SERPINI1: variants seen among roughly 807,000 people sequenced by gnomAD.
SERPINI1 encodes serpin family I member 1, also known as neuroserpin.
In SERPINI1, 19 loss-of-function variants were observed where a neutral mutation model predicts 41.1. The observed-to-expected ratio is 0.46, with a 90% CI of 0.32 to 0.68. The LOEUF (loss-of-function observed/expected upper bound fraction) is 0.68. Among genes scored for constraint, SERPINI1 ranks in the 30% least tolerant of loss-of-function variants. The pLI is 0.03. For missense variants in SERPINI1, 460 were observed against 479.2 expected (o/e 0.96, Z 0.37); for synonymous variants, 138 against 156.6 (o/e 0.88, Z 0.89).
chr3:167,823,036 G>T lies in SERPINI1; in HGVS notation c.1030G>T (p.Val344Phe), dbSNP rs775383204. Reference protein sequence around the residue: ...SKAIHKSFLEVNEEGSEAAAV... With the variant: ...SKAIHKSFLEFNEEGSEAAAV... The stretch of plus-strand genomic sequence containing the variant: ...AGCAATTCACAAGTCCTTCCTAGAG[G>T]TTAATGAAGAAGGCTCAGAAGCTGC... The change falls in exon 7 of 9, where the codon GTT (valine) becomes TTT (phenylalanine). Residue 344 changes from valine to phenylalanine, a missense_variant. By Grantham distance (50) the Val-to-Phe change is conservative (BLOSUM62 -1). Coordinates refer to ENST00000446050, the MANE Select transcript of SERPINI1 (RefSeq NM_001122752.2). The T allele has an allele frequency of 1.4e-5, 23 of 1,611,090 alleles. No homozygotes were observed. Among genetic ancestry groups the T allele is most frequent in the Non-Finnish European group, 8.5e-7 (1 of 1,177,430 alleles).
At chr3:167,783,168 G>T (rs1210717673) in intron 1 of SERPINI1, among the ~76,000 whole-genome samples, 1 of 152,094 alleles carries the variant, frequency 6.6e-6, no homozygotes, top group African/African-American at 2.4e-5. Flanking sequence ...CAGAACCATT[G>T]GTATAGTCCT....
chr3:167,818,669 C>T (rs540652297), intron 6 of SERPINI1, among the ~76,000 whole-genome samples: 5 of 151,934 alleles, frequency 3.3e-5, no homozygotes, highest in Middle Eastern at 3.4e-3. Flanking sequence ...CTCTTTCTGC[C>T]GTAAGTACCT....
At chr3:167,814,245 A>G (rs1228423921) in intron 6 of SERPINI1, among the ~76,000 whole-genome samples, 1 of 152,330 alleles carries the variant, frequency 6.6e-6, no homozygotes, top group Admixed American at 6.5e-5. Flanking sequence ...TATTTAGTTC[A>G]TCATAGTATA....
intron 1 of SERPINI1, among the ~76,000 whole-genome samples, chr3:167,751,639 A>C (rs1457851488): frequency 6.6e-6 from 1 of 152,176 alleles, no homozygotes; most frequent in Non-Finnish European, 1.5e-5. Context: ...GGTTATCGAC[A>C]CAAATGGTGA....
intron 5 of SERPINI1, among the ~76,000 whole-genome samples, chr3:167,803,556 A>G (rs977671757): frequency 6.8e-4 from 104 of 152,248 alleles, no homozygotes; most frequent in African/African-American, 2.4e-3. Flanking sequence ...CAACAATGCT[A>G]TGAAATAGGT....
chr3:167,803,142 G>GT (rs1285029285), intron 5 of SERPINI1, among the ~76,000 whole-genome samples: 1 of 151,874 alleles, frequency 6.6e-6, no homozygotes, highest in Non-Finnish European at 1.5e-5. Flanking sequence ...TTGGGGGAGG[G>GT]GGAGGGATAG....
intron 1 of SERPINI1, among the ~76,000 whole-genome samples, chr3:167,775,301 G>T (rs1040875914): frequency 6.7e-6 from 1 of 149,584 alleles, no homozygotes; most frequent in African/African-American, 2.4e-5. Flanking sequence ...TCGCTCTGTT[G>T]CCCAGGCTGC....
chr3:167,744,937 TTAAGA>T (rs1725821033), intron 1 of SERPINI1, among the ~76,000 whole-genome samples: 1 of 145,856 alleles, frequency 6.9e-6, no homozygotes, highest in Non-Finnish European at 1.5e-5. Context: ...TTTTTATAAG[TTAAGA>T]TACTTTCTCA....
At chr3:167,814,914 A>G (rs1361522112) in intron 6 of SERPINI1, among the ~76,000 whole-genome samples, 1 of 152,144 alleles carries the variant, frequency 6.6e-6, no homozygotes, top group Non-Finnish European at 1.5e-5. Context: ...CAGAAGGAAA[A>G]GGCTGCTTGG....
intron 1 of SERPINI1, among the ~76,000 whole-genome samples, chr3:167,762,293 TCTC>T (rs1194435824): frequency 6.6e-6 from 1 of 151,976 alleles, no homozygotes; most frequent in East Asian, 1.9e-4. Flanking sequence ...GCAGTGCCCT[TCTC>T]CTCCAAATAA....
intron 5 of SERPINI1, among the ~76,000 whole-genome samples, chr3:167,796,414 T>TA (rs35878142): frequency 0.13 from 19,209 of 152,024 alleles, 1,447 homozygotes; most frequent in African/African-American, 0.21. Flanking sequence ...GTTACATAGG[T>TA]AAACGTGTGC....
intron 5 of SERPINI1, among the ~76,000 whole-genome samples, chr3:167,798,499 A>G (rs1207613453): frequency 6.6e-6 from 1 of 152,210 alleles, no homozygotes; most frequent in Non-Finnish European, 1.5e-5. Flanking sequence ...TAAATGTTTG[A>G]TAATGGTAAT....
At chr3:167,764,964 G>C (rs556918151) in intron 1 of SERPINI1, among the ~76,000 whole-genome samples, 2 of 152,216 alleles carry the variant, frequency 1.3e-5, no homozygotes, top group Non-Finnish European at 2.9e-5. Flanking sequence ...GATGCAAGAG[G>C]TAGGTTCTCA....
At chr3:167,823,215 G>A (rs563713932) in intron 7 of SERPINI1, 143 bp downstream of exon 7, 69 of 706,334 alleles carry the variant, frequency 9.8e-5, no homozygotes, top group African/African-American at 7.4e-4. Context: ...TGAACCAGCC[G>A]GAATTTTCTA....
At chr3:167,755,433 CAAGGAAATAGAT>C (rs1187480104) in intron 1 of SERPINI1, among the ~76,000 whole-genome samples, 1 of 152,064 alleles carries the variant, frequency 6.6e-6, no homozygotes, top group African/African-American at 2.4e-5. Flanking sequence ...GTTCTTGTTT[CAAGGAAATAGAT>C]GATGGTCTTA....
chr3:167,789,291 C>G lies in SERPINI1; in HGVS notation c.163C>G (p.Leu55Val), dbSNP rs773460507. 1.2e-6 allele frequency: 2 copies of G among 1,614,118 alleles called. No homozygotes were observed. The highest frequency in any genetic ancestry group is 1.7e-6 in the Non-Finnish European group (2 of 1,180,004). ...NILFSPLSIA[L>V]AMGMMELGAQ... ...TCTCTTCTCTCCATTGAGTATTGCT[C>G]TTGCAATGGGAATGATGGAACTTGG... Residue 55 changes from leucine (L) to valine (V), a missense_variant, in exon 2 of 9, where the codon CTT becomes GTT. Leu to Val is a conservative substitution (Grantham distance 32). Transcript: ENST00000446050.
intron 1 of SERPINI1, among the ~76,000 whole-genome samples, chr3:167,748,612 A>G (rs1173011548): frequency 2.0e-5 from 3 of 152,232 alleles, no homozygotes; most frequent in Non-Finnish European, 2.9e-5. Flanking sequence ...TGGAGATGAC[A>G]ACGTCTCAGA....
intron 1 of SERPINI1, among the ~76,000 whole-genome samples, chr3:167,752,000 T>G (rs1443974930): frequency 6.6e-6 from 1 of 152,142 alleles, no homozygotes; most frequent in Non-Finnish European, 1.5e-5. Context: ...ATGGGGAAAA[T>G]GTTTTTCAAG....
chr3:167,772,895 C>CAT (rs1338559053), intron 1 of SERPINI1, among the ~76,000 whole-genome samples: 1 of 34,354 alleles, frequency 2.9e-5, no homozygotes, highest in Admixed American at 4.3e-4. Flanking sequence ...TATATATATA[C>CAT]ACACACACAC....
Sources: gnomAD v4.1 joint callset for allele counts (sites outside exome capture counted in the v4.1 genomes callset) on GRCh38, gnomAD v4.1.1 for gene constraint, MANE v1.5 for transcripts, NCBI Gene and HGNC (gene_info 2026-07-23, HGNC 2026-07-21) for gene names.